POMT1: variants seen among roughly 807,000 people sequenced by gnomAD.
The protein encoded by POMT1 is protein O-mannosyl-transferase 1.
Under a neutral mutation model 101.6 loss-of-function variants are expected in POMT1, and 85 were observed. That is an observed-to-expected ratio of 0.84 (90% confidence interval 0.70 to 1.00). POMT1 has a LOEUF of 1.00. POMT1 is among the 50% of genes least tolerant of loss of function. POMT1 has a pLI of 0.00. For synonymous variants in POMT1, 371 were observed against 383.0 expected, an observed-to-expected ratio of 0.97 and a Z score of 0.37; for missense variants, 857 against 930.4, an observed-to-expected ratio of 0.92 and a Z score of 1.03.
intron 11 of POMT1, among the ~76,000 whole-genome samples, chr9:131,512,628 G>A (rs1020447766): frequency 1.4e-4 from 21 of 151,180 alleles, no homozygotes; most frequent in Admixed American, 1.2e-3. Context: ...TTATTTTTTC[G>A]GGGGACAGAG....
intron 9 of POMT1, 140 bp downstream of exon 9, chr9:131,510,555 G>T (rs1466501766): frequency 6.7e-6 from 8 of 1,190,678 alleles, no homozygotes; most frequent in East Asian, 2.6e-5. Flanking sequence ...TTTTTTGGTG[G>T]GGGGGATGGA....
intron 4 of POMT1, 109 bp from the exon 5 acceptor site, chr9:131,507,259 G>C: frequency 3.9e-6 from 6 of 1,549,780 alleles, no homozygotes; most frequent in Non-Finnish European, 5.3e-6. Context: ...TTGTAAACGT[G>C]CATTTTAGAG....
intron 13 of POMT1, among the ~76,000 whole-genome samples, chr9:131,517,815 G>A (rs1009953771): frequency 6.6e-6 from 1 of 152,216 alleles, no homozygotes; most frequent in African/African-American, 2.4e-5. Flanking sequence ...GGGAGCATGC[G>A]TGAGGTGTGC....
At chr9:131,511,661 C>T in intron 10 of POMT1, 194 bp downstream of exon 10, 1 of 689,508 alleles carries the variant, frequency 1.5e-6, no homozygotes, top group South Asian at 1.8e-5. Flanking sequence ...GTGGCAGGGC[C>T]CAGGGTCGGC....
rs74735303 is a variant in POMT1 at position 131,503,656 on chromosome 9, A to G, written c.-30-533A>G. Among the ~76,000 whole-genome samples, 12,670 of 152,128 alleles carry G rather than the reference A, an allele frequency of 0.083. 618 individuals are homozygous for G. Among genetic ancestry groups the G allele is most frequent in the Admixed American group, 0.13 (1,917 of 15,288 alleles). Reference sequence around the variant, plus strand: ...GGAGAACGTGGGGGCGCAGGGTGCAAATGCACCCTCCAGGCGAGAAAGGGA... The same window carrying G: ...GGAGAACGTGGGGGCGCAGGGTGCAGATGCACCCTCCAGGCGAGAAAGGGA... On this transcript the variant is annotated intron_variant, in intron 1 of 19. Coordinates refer to ENST00000402686, the MANE Select transcript of POMT1 (RefSeq NM_001077365.2). The surrounding 1 kb of genome is among the most constrained non-coding windows in gnomAD (Gnocchi z 4.4).
chr9:131,514,615 G>A (rs1199389863), intron 12 of POMT1, among the ~76,000 whole-genome samples: 2 of 152,240 alleles, frequency 1.3e-5, no homozygotes, highest in East Asian at 3.8e-4. Flanking sequence ...AGTGCCAGGT[G>A]CATGGTGCGG....
chr9:131,521,480 C>T lies in POMT1; in HGVS notation c.1825+8C>T, dbSNP rs1457726314. The T allele has an allele frequency of 6.2e-7, 1 of 1,613,556 alleles. No homozygotes were observed. The highest frequency in any genetic ancestry group is 2.2e-5 in the East Asian group (1 of 44,872). ...TCCATGACCTCCCTCAGGGTTAGTACCTCTCCCACATGGCTTTCTTTCTTT... is the reference window on the plus strand; with the variant it reads ...TCCATGACCTCCCTCAGGGTTAGTATCTCTCCCACATGGCTTTCTTTCTTT... On this transcript the variant is annotated splice_region_variant and intron_variant, in intron 18 of 19. Transcript: ENST00000402686.
In POMT1 at chr9:131,503,735, G is replaced by C. The variant is rs1304093984; in HGVS notation, c.-30-454G>C. On this transcript the variant is annotated intron_variant, in intron 1 of 19. Coordinates refer to ENST00000402686, the MANE Select transcript of POMT1 (RefSeq NM_001077365.2). This position sits in a 1 kb window ranked among gnomAD's most constrained non-coding sequence, Gnocchi z 4.4. Reference sequence around the variant, plus strand: ...AGAAGGCAGGGAGGCACTGGGGGCAGATGCATCCTTGAGGAGAGATGAGGA... The same window carrying C: ...AGAAGGCAGGGAGGCACTGGGGGCACATGCATCCTTGAGGAGAGATGAGGA... Among the ~76,000 whole-genome samples the C allele has an allele frequency of 6.6e-6, 1 of 152,238 alleles. No individual in the cohort carries two copies. Among genetic ancestry groups the C allele is most frequent in the Non-Finnish European group, 1.5e-5 (1 of 68,032 alleles).
Position 131,523,194 on chromosome 9 carries a change from C to A in POMT1, c.*88C>A. ...ATGTACGTAATGAGCAGGGTGGGCC[C>A]CACGCTGGGAGGACACGGGCTGGGC... On this transcript the variant is annotated 3_prime_UTR_variant, in exon 20 of 20. Coordinates refer to ENST00000402686, the MANE Select transcript of POMT1 (RefSeq NM_001077365.2). The A allele has an allele frequency of 1.3e-6, 2 of 1,510,024 alleles. No individual in the cohort carries two copies. The highest frequency in any genetic ancestry group is 1.8e-6 in the Non-Finnish European group (2 of 1,115,028). 93.5% of individuals were successfully genotyped at this position (1,510,024 alleles called of 1,614,324 possible). A position where few individuals can be genotyped will look rare whatever the true frequency, so the allele number is the denominator to read the frequency against.
chr9:131,513,381 G>T (rs757456152), intron 12 of POMT1, 50 bp downstream of exon 12: 8 of 1,544,024 alleles, frequency 5.2e-6, no homozygotes, highest in Non-Finnish European at 7.1e-6. Context: ...TTCCTCTGTG[G>T]TTCTCTGTTC....
intron 13 of POMT1, 65 bp downstream of exon 13, chr9:131,515,587 C>A (rs979369883): frequency 2.5e-5 from 37 of 1,472,134 alleles, no homozygotes; most frequent in Non-Finnish European, 3.5e-5. Flanking sequence ...ACACGGAGCA[C>A]TTCCTCACCC....
Position 131,519,267 on chromosome 9 carries a change from GT to G in POMT1, c.1487-120del. The G allele has an allele frequency of 9.8e-7, 1 of 1,025,292 alleles. No individual in the cohort carries two copies. Among genetic ancestry groups the G allele is most frequent in the Non-Finnish European group, 1.5e-6 (1 of 679,704 alleles). 63.5% of individuals were successfully genotyped at this position (1,025,292 alleles called of 1,614,324 possible). On this transcript the variant is annotated intron_variant, in intron 15 of 19. Transcript: ENST00000402686. This position sits in a 1 kb window ranked among gnomAD's most constrained non-coding sequence, Gnocchi z 4.3. ...GGGGAAAGCTAAGTGGAATGATGCGGTTCGATAAGGGGTCTTTGTTAGAAAG... is the reference window on the plus strand; with the variant it reads ...GGGGAAAGCTAAGTGGAATGATGCGGTCGATAAGGGGTCTTTGTTAGAAAG...
rs1158404410 is a variant in POMT1 at position 131,507,366 on chromosome 9, A to G, written c.281-2A>G. The G allele has an allele frequency of 6.2e-7, 1 of 1,614,164 alleles. No homozygotes were observed. Among genetic ancestry groups the G allele is most frequent in the Non-Finnish European group, 8.5e-7 (1 of 1,180,032 alleles). ...AGCTCTGCAGTGTGGTTGCTTTTCC[A>G]GAATACAGTAGCAACGTGCCTGTGT... On this transcript the variant is annotated splice_acceptor_variant, in intron 4 of 19. Transcript: ENST00000402686. LOFTEE classifies it high-confidence loss of function.
At chr9:131,508,445 C>A (rs537943943) in intron 5 of POMT1, among the ~76,000 whole-genome samples, 16 of 151,358 alleles carry the variant, frequency 1.1e-4, no homozygotes, top group Admixed American at 9.2e-4. Context: ...GCAGGAGAAT[C>A]GCTTGAACCC....
At position 131,513,302 on chromosome 9, in the gene POMT1, C is replaced by T. The variant is rs757429050; in HGVS notation, c.1146C>T (p.Val382=). Residue 382 remains valine (V), a synonymous_variant, in exon 12 of 20, where the codon GTC becomes GTT. Transcript: ENST00000402686. The part of the protein sequence containing the change: ...PVRHGDMVQL[V]HGMTTRSLNT... ...GGCACGGGGACATGGTGCAGCTGGTCCACGGCATGACCACCCGCTCCCTGA... is the reference window on the plus strand; with the variant it reads ...GGCACGGGGACATGGTGCAGCTGGTTCACGGCATGACCACCCGCTCCCTGA... The T allele has an allele frequency of 8.7e-6, 14 of 1,612,544 alleles. No homozygotes were observed. The East Asian group carries it at 3.1e-4, about 36-fold the overall frequency.
At chr9:131,508,214 G>T (rs1213902741) in intron 5 of POMT1, among the ~76,000 whole-genome samples, 1 of 142,062 alleles carries the variant, frequency 7.0e-6, no homozygotes, top group Non-Finnish European at 1.5e-5. Flanking sequence ...TCCAGCCTGG[G>T]CAACAGAGCA....
chr9:131,513,224 C>T lies in POMT1; in HGVS notation c.1083-15C>T. 1 of 1,609,868 alleles carries T rather than the reference C, an allele frequency of 6.2e-7. No homozygotes were observed. The highest frequency in any genetic ancestry group is 8.5e-7 in the Non-Finnish European group (1 of 1,177,246). ...ACCAGGCTCTGTGTGGTCCCGACAG[C>T]ACTGTGTCTTCCAGGCACCAGCTGG... On this transcript the variant is annotated splice_polypyrimidine_tract_variant and intron_variant, in intron 11 of 19. Coordinates refer to ENST00000402686, the MANE Select transcript of POMT1 (RefSeq NM_001077365.2).
At chr9:131,512,383 T>C (rs887171065) in intron 11 of POMT1, among the ~76,000 whole-genome samples, 1 of 152,098 alleles carries the variant, frequency 6.6e-6, no homozygotes, top group Non-Finnish European at 1.5e-5. Flanking sequence ...CCGACCTGTG[T>C]CCCTCTCCCT....
chr9:131,519,599 A>G lies in POMT1; in HGVS notation c.1584+113A>G, dbSNP rs996415395. On this transcript the variant is annotated intron_variant, in intron 16 of 19. Coordinates refer to ENST00000402686, the MANE Select transcript of POMT1 (RefSeq NM_001077365.2). This position sits in a 1 kb window ranked among gnomAD's most constrained non-coding sequence, Gnocchi z 4.3. Reference sequence around the variant, plus strand: ...AGAGTCAGGCTTTGACGCTGGAGCTACAGGCTCACAACAGAATGAGTGTCT... The same window carrying G: ...AGAGTCAGGCTTTGACGCTGGAGCTGCAGGCTCACAACAGAATGAGTGTCT... 3.0e-6 allele frequency: 3 copies of G among 1,011,962 alleles called. No homozygotes were observed. Among genetic ancestry groups the G allele is most frequent in the African/African-American group, 3.2e-5 (2 of 62,866 alleles). The allele number at this position is 1,011,962 out of a possible 1,614,324, so 62.7% of individuals were successfully genotyped here. A position where few individuals can be genotyped will look rare whatever the true frequency, so the allele number is the denominator to read the frequency against.
Sources: allele counts gnomAD v4.1 joint callset (sites outside exome capture counted in the v4.1 genomes callset), GRCh38; gene constraint gnomAD v4.1.1; non-coding constraint Gnocchi (gnomAD v3.1); transcripts MANE v1.5; gene names NCBI Gene and HGNC (gene_info 2026-07-23, HGNC 2026-07-21).